The following TENM3 variants were observed in gnomAD, a reference collection of about 807,000 sequenced individuals.
The protein encoded by TENM3 is teneurin-3.
TENM3 carries 63 observed loss-of-function variants against 255.1 expected under a neutral mutation model. The ratio of observed to expected loss-of-function variants is 0.25; its 90% CI spans 0.20 to 0.30. The LOEUF is 0.30. TENM3 is among the 10% of genes least tolerant of loss of function. The probability of loss-of-function intolerance (pLI) is 1.00; values close to 1 mark genes in which losing one functional copy is unlikely to be tolerated. For missense variants in TENM3, 2,929 were observed against 3,461.1 expected, an observed-to-expected ratio of 0.85 and a Z score of 3.86; for synonymous variants, 1,306 against 1,322.3, an observed-to-expected ratio of 0.99 and a Z score of 0.27.
intron 1 of TENM3, among the ~76,000 whole-genome samples, chr4:182,170,038 A>G (rs1359429952): frequency 6.6e-6 from 1 of 150,458 alleles, no homozygotes; most frequent in Non-Finnish European, 1.5e-5. Flanking sequence ...CTGTTTTGAG[A>G]TGCATACTAG....
the TENM3 span, among the ~76,000 whole-genome samples, chr4:181,722,691 A>G: frequency 1.3e-5 from 2 of 152,232 alleles, no homozygotes; most frequent in Non-Finnish European, 2.9e-5. Flanking sequence ...TTTTATCTGT[A>G]TAGTACATTT....
At chr4:182,570,331 A>G (rs1423256411) in intron 3 of TENM3, among the ~76,000 whole-genome samples, 1 of 152,206 alleles carries the variant, frequency 6.6e-6, no homozygotes. Flanking sequence ...ATTAGAGAAA[A>G]TACAGGAAAA....
At chr4:182,166,311 T>C (rs1392598364) in intron 1 of TENM3, among the ~76,000 whole-genome samples, 1 of 152,200 alleles carries the variant, frequency 6.6e-6, no homozygotes, top group Non-Finnish European at 1.5e-5. Context: ...TCTTAGGGAC[T>C]TCAGCATTGA....
At chr4:181,624,924 A>G in the TENM3 span, among the ~76,000 whole-genome samples, 1 of 152,154 alleles carries the variant, frequency 6.6e-6, no homozygotes, top group Non-Finnish European at 1.5e-5. Context: ...TTTCTCCTCA[A>G]GGATCTTTCT....
intron 1 of TENM3, among the ~76,000 whole-genome samples, chr4:182,162,483 G>A (rs1398247901): frequency 6.6e-6 from 1 of 152,190 alleles, no homozygotes; most frequent in Non-Finnish European, 1.5e-5. Flanking sequence ...ACTCAAGGAA[G>A]AGAGAGGAAT....
chr4:182,439,946 A>G (rs979532167), intron 3 of TENM3, among the ~76,000 whole-genome samples: 2 of 151,984 alleles, frequency 1.3e-5, no homozygotes, highest in African/African-American at 2.4e-5. Context: ...TGGCCCCTCT[A>G]TGTAAGCATC....
the TENM3 span, among the ~76,000 whole-genome samples, chr4:181,861,954 A>T: frequency 2.6e-5 from 4 of 152,182 alleles, no homozygotes; most frequent in African/African-American, 9.6e-5. Flanking sequence ...CTTTGCTTTG[A>T]GTCTCTATGA....
chr4:181,509,648 C>G, the TENM3 span, among the ~76,000 whole-genome samples: 1 of 152,212 alleles, frequency 6.6e-6, no homozygotes, highest in Non-Finnish European at 1.5e-5. Context: ...TTGAACAGAA[C>G]TTGACAGCTG....
the TENM3 span, among the ~76,000 whole-genome samples, chr4:182,045,481 C>T: frequency 1.3e-5 from 2 of 151,538 alleles, no homozygotes; most frequent in Admixed American, 6.6e-5. Context: ...AACAGAAGAC[C>T]GAAGTTTAGA....
chr4:182,777,509 T>TTGTGTGTGTGTGTG (rs1172500944), intron 24 of TENM3, among the ~76,000 whole-genome samples: 7 of 120,112 alleles, frequency 5.8e-5, no homozygotes, highest in African/African-American at 2.2e-4. Flanking sequence ...CATAATGTGT[T>TTGTGTGTGTGTGTG]TATGTGTGTG....
chr4:182,679,571 G>C, intron 7 of TENM3, 95 bp from the exon 8 acceptor site: 3 of 988,906 alleles, frequency 3.0e-6, no homozygotes, highest in East Asian at 2.4e-5. Flanking sequence ...CATTGTATTT[G>C]TTAGAGCAAA....
intron 1 of TENM3, among the ~76,000 whole-genome samples, chr4:182,244,104 C>T (rs1281595206): frequency 1.3e-5 from 2 of 151,598 alleles, no homozygotes; most frequent in Non-Finnish European, 2.9e-5. Flanking sequence ...CAGGCGCCCG[C>T]CACCACGCCC....
the TENM3 span, among the ~76,000 whole-genome samples, chr4:181,894,856 T>C: frequency 6.6e-6 from 1 of 152,184 alleles, no homozygotes; most frequent in South Asian, 2.1e-4. Flanking sequence ...TGGACGTCAC[T>C]GGTTGTAATG....
At chr4:182,375,335 C>T (rs574271807) in intron 3 of TENM3, among the ~76,000 whole-genome samples, 1 of 151,820 alleles carries the variant, frequency 6.6e-6, no homozygotes, top group South Asian at 2.1e-4. Flanking sequence ...CAAATAGATG[C>T]CTGGTTAAAT....
chr4:181,910,491 T>C, the TENM3 span, among the ~76,000 whole-genome samples: 3,813 of 151,100 alleles, frequency 0.025, 82 homozygotes, highest in Non-Finnish European at 0.042. Flanking sequence ...TGAGCCAAGA[T>C]TGTGCCACTG....
chr4:181,642,325 T>A, the TENM3 span, among the ~76,000 whole-genome samples: 1 of 152,168 alleles, frequency 6.6e-6, no homozygotes, highest in African/African-American at 2.4e-5. Context: ...GTGGTTAGTT[T>A]TTTTCTTGTA....
At chr4:181,970,756 A>G in the TENM3 span, among the ~76,000 whole-genome samples, 1 of 152,210 alleles carries the variant, frequency 6.6e-6, no homozygotes, top group East Asian at 1.9e-4. Context: ...AAACAATGGT[A>G]TGACAGCAAG....
chr4:182,719,292 CGCTCTGTCTCCCAG>C lies in TENM3; in HGVS notation c.2368+5063_2368+5076del, dbSNP rs112282444. On this transcript the variant is annotated intron_variant, in intron 13 of 27. Coordinates refer to ENST00000511685, the MANE Select transcript of TENM3 (RefSeq NM_001080477.4). ...TTTTTTTTTTTTTGAGACGGAGTCT[CGCTCTGTCTCCCAG>C]GCTGCAGTGCAATGGCGTGGTCTCG... Among the ~76,000 whole-genome samples the C allele has an allele frequency of 3.4e-3, 372 of 108,474 alleles. 1 individual carries two copies. Among genetic ancestry groups the C allele is most frequent in the African/African-American group, 0.013 (356 of 27,484 alleles). 71.2% of individuals were successfully genotyped at this position (108,474 alleles called of 152,430 possible). A position where few individuals can be genotyped will look rare whatever the true frequency, so the allele number is the denominator to read the frequency against.
Position 182,714,257 on chromosome 4 carries a change from C to T in TENM3, c.2368+24C>T, listed in dbSNP as rs7678069. ...AGGTAAGAAATACTGAGCATGAACA[C>T]GAGTCTGTGCCAGAGCACAGGTTCG... On this transcript the variant is annotated intron_variant, in intron 13 of 27. Transcript: ENST00000511685. 6.1e-5 allele frequency: 94 copies of T among 1,551,048 alleles called. No homozygotes were observed. The African/African-American group carries it at 6.9e-4, about 11-fold the overall frequency.
Sources: allele counts gnomAD v4.1 joint callset (sites outside exome capture counted in the v4.1 genomes callset), GRCh38; gene constraint gnomAD v4.1.1; transcripts MANE v1.5; gene names NCBI Gene and HGNC (gene_info 2026-07-23, HGNC 2026-07-21).